FBXL17: variants seen among roughly 807,000 people sequenced by gnomAD.
The protein encoded by FBXL17 is F-box/LRR-repeat protein 17.
FBXL17 carries 22 observed loss-of-function variants against 66.2 expected under a neutral mutation model. That is an observed-to-expected ratio of 0.33 (90% CI 0.24 to 0.47). The LOEUF (loss-of-function observed/expected upper bound fraction) is 0.47, where lower values mean the gene tolerates loss of function less well. FBXL17 is among the 20% of genes least tolerant of loss of function. The pLI is 1.00. For missense variants in FBXL17, 878 were observed against 948.2 expected (o/e 0.93, Z 0.97); for synonymous variants, 474 against 400.5 (o/e 1.18, Z -2.19).
chr5:108,257,924 C>T (rs1373361377), intron 4 of FBXL17, among the ~76,000 whole-genome samples: 1 of 152,132 alleles, frequency 6.6e-6, no homozygotes, highest in East Asian at 1.9e-4. Context: ...TTTGCATCAA[C>T]CTGCATCTCC....
chr5:108,342,639 T>G (rs1746960076), intron 4 of FBXL17, among the ~76,000 whole-genome samples: 1 of 152,184 alleles, frequency 6.6e-6, no homozygotes, highest in South Asian at 2.1e-4. Flanking sequence ...TTTGGGAATC[T>G]TAACAGATCT....
chr5:108,215,464 A>G (rs1754558382), intron 5 of FBXL17, among the ~76,000 whole-genome samples: 1 of 152,216 alleles, frequency 6.6e-6, no homozygotes, highest in Admixed American at 6.5e-5. Flanking sequence ...AGTCATTTGC[A>G]TAACTAATAA....
chr5:108,359,748 C>A (rs1748222082), intron 3 of FBXL17, among the ~76,000 whole-genome samples: 1 of 152,066 alleles, frequency 6.6e-6, no homozygotes, highest in South Asian at 2.1e-4. Context: ...TCCATGTGCA[C>A]TTGAGAAGAA....
At chr5:108,241,031 G>A (rs561413634) in intron 4 of FBXL17, among the ~76,000 whole-genome samples, 8 of 152,234 alleles carry the variant, frequency 5.3e-5, no homozygotes, top group Admixed American at 3.3e-4. Context: ...AAGAAGGATG[G>A]GTATGAACAA....
At chr5:108,002,109 G>A (rs189148375) in intron 7 of FBXL17, among the ~76,000 whole-genome samples, 40 of 151,528 alleles carry the variant, frequency 2.6e-4, no homozygotes, top group Admixed American at 4.6e-4. Context: ...TCCGCCTCCC[G>A]GATTCAAGGG....
intron 7 of FBXL17, among the ~76,000 whole-genome samples, chr5:108,002,483 G>A (rs1753771334): frequency 6.6e-6 from 1 of 152,054 alleles, no homozygotes; most frequent in South Asian, 2.1e-4. Context: ...TAGTAAGAAA[G>A]TAAGAAAAAA....
chr5:107,879,000 T>A (rs1380196656), intron 8 of FBXL17: 3 of 985,362 alleles, frequency 3.0e-6, no homozygotes, highest in Non-Finnish European at 3.6e-6. Flanking sequence ...ATACAGCTAA[T>A]CTGAATACTG....
chr5:107,879,557 T>A, intron 8 of FBXL17: 1 of 985,424 alleles, frequency 1.0e-6, no homozygotes, highest in Non-Finnish European at 1.2e-6. Flanking sequence ...GGCAAAGGTC[T>A]CGTATAAGTT....
Position 108,043,550 on chromosome 5 carries a change from C to T in FBXL17, c.1746-22549G>A, listed in dbSNP as rs77557618. Among the ~76,000 whole-genome samples the T allele has an allele frequency of 6.3e-3, 954 of 152,184 alleles. 5 individuals are homozygous for T. The highest frequency in any genetic ancestry group is 0.011 in the Non-Finnish European group (744 of 67,976). ...TCACATAAGCATATTTACGTGAGTC[C>T]TTTCTGAGTTTCCTGTTCTGTTCCA... On this transcript the variant is annotated intron_variant, in intron 6 of 8. Transcript: ENST00000542267.
intron 8 of FBXL17, among the ~76,000 whole-genome samples, chr5:107,877,245 A>C (rs1270816317): frequency 1.3e-5 from 2 of 152,166 alleles, no homozygotes; most frequent in African/African-American, 2.4e-5. Context: ...GCACGACTGG[A>C]GGACTCCTCC....
intron 5 of FBXL17, among the ~76,000 whole-genome samples, chr5:108,212,463 G>A (rs1427958792): frequency 6.6e-6 from 1 of 152,152 alleles, no homozygotes; most frequent in African/African-American, 2.4e-5. Flanking sequence ...CCCCATCTTT[G>A]TGATTTACCT....
intron 4 of FBXL17, among the ~76,000 whole-genome samples, chr5:108,248,742 G>A (rs1561487293): frequency 1.3e-5 from 2 of 152,070 alleles, no homozygotes; most frequent in South Asian, 2.1e-4. Flanking sequence ...CAATTTGAAT[G>A]ACATCAGATT....
chr5:108,163,932 G>C (rs114895499), intron 6 of FBXL17, among the ~76,000 whole-genome samples: 1,721 of 152,162 alleles, frequency 0.011, 46 homozygotes, highest in African/African-American at 0.039. Flanking sequence ...AACATGCTAG[G>C]TCATCTAAAA....
intron 4 of FBXL17, among the ~76,000 whole-genome samples, chr5:108,290,390 T>C (rs1412414492): frequency 6.6e-6 from 1 of 152,160 alleles, no homozygotes; most frequent in Non-Finnish European, 1.5e-5. Context: ...TTACCCCATG[T>C]CTCGTGATCA....
chr5:107,988,809 T>G (rs1312120829), intron 7 of FBXL17, among the ~76,000 whole-genome samples: 1 of 152,050 alleles, frequency 6.6e-6, no homozygotes, highest in African/African-American at 2.4e-5. Flanking sequence ...TGCAAGTAAC[T>G]GCCCACGCTG....
At chr5:108,195,850 A>G (rs1753658808) in intron 5 of FBXL17, among the ~76,000 whole-genome samples, 1 of 152,106 alleles carries the variant, frequency 6.6e-6, no homozygotes, top group South Asian at 2.1e-4. Flanking sequence ...GGAGTCAAGG[A>G]CCATTCCAAG....
At chr5:108,267,729 T>G (rs547331644) in intron 4 of FBXL17, among the ~76,000 whole-genome samples, 1 of 152,080 alleles carries the variant, frequency 6.6e-6, no homozygotes, top group Admixed American at 6.6e-5. Flanking sequence ...AGCAGATGAA[T>G]AAATAAAATA....
At chr5:107,994,943 C>T (rs1753413227) in intron 7 of FBXL17, among the ~76,000 whole-genome samples, 1 of 152,000 alleles carries the variant, frequency 6.6e-6, no homozygotes, top group Non-Finnish European at 1.5e-5. Context: ...TATTAATCAA[C>T]GTGGTTAAAA....
intron 7 of FBXL17, among the ~76,000 whole-genome samples, chr5:108,006,998 C>T (rs561896744): frequency 2.0e-5 from 3 of 152,182 alleles, no homozygotes; most frequent in Admixed American, 1.3e-4. Flanking sequence ...GCAGAGAAAA[C>T]GGATTTTTGA....
Sources: gnomAD v4.1 joint callset for allele counts (sites outside exome capture counted in the v4.1 genomes callset) on GRCh38, gnomAD v4.1.1 for gene constraint, MANE v1.5 for transcripts, NCBI Gene and HGNC (gene_info 2026-07-23, HGNC 2026-07-21) for gene names.